COLQ: variants seen among roughly 807,000 people sequenced by gnomAD.
COLQ encodes the protein acetylcholinesterase collagenic tail peptide.
In COLQ, 48 loss-of-function variants were observed where a neutral mutation model predicts 69.0. The observed-to-expected ratio is 0.70, with a 90% CI of 0.55 to 0.88. The LOEUF (loss-of-function observed/expected upper bound fraction) is 0.88. COLQ is among the 40% of genes least tolerant of loss of function. The pLI, the probability that COLQ is intolerant of heterozygous loss-of-function variation, is 0.00. For missense variants in COLQ, 618 were observed against 594.6 expected, an observed-to-expected ratio of 1.04 and a Z score of -0.41; for synonymous variants, 217 against 211.2, an observed-to-expected ratio of 1.03 and a Z score of -0.24.
chr3:15,451,367 A>C lies in COLQ; in HGVS notation c.*277T>G. 1 of 602,608 alleles carries C rather than the reference A, an allele frequency of 1.7e-6. No homozygotes were observed. Among genetic ancestry groups the C allele is most frequent in the East Asian group, 2.9e-5 (1 of 34,188 alleles). The allele number at this position is 602,608 out of a possible 1,614,324, so 37.3% of individuals were successfully genotyped here. On this transcript the variant is annotated 3_prime_UTR_variant, in exon 17 of 17. Transcript: ENST00000383788. The stretch of plus-strand genomic sequence containing the variant: ...AGCAACATTCCAGAAGAGGAAGAGC[A>C]TTGTAGCCGGTTGTTTGGCCAAATG...
intron 3 of COLQ, among the ~76,000 whole-genome samples, chr3:15,484,633 C>T (rs1379446495): frequency 1.3e-5 from 2 of 152,176 alleles, no homozygotes; most frequent in African/African-American, 2.4e-5. Flanking sequence ...TCTTTTTTCT[C>T]TAAACTTCTC....
chr3:15,492,841 C>T (rs995102301), intron 1 of COLQ, among the ~76,000 whole-genome samples: 2 of 152,144 alleles, frequency 1.3e-5, no homozygotes, highest in East Asian at 1.9e-4. Context: ...AGTGATGCTA[C>T]CCATCCCAGC....
At chr3:15,456,425 AG>A (rs1356538626) in intron 14 of COLQ, 34 bp downstream of exon 14, 2 of 1,612,856 alleles carry the variant, frequency 1.2e-6, no homozygotes, top group South Asian at 2.2e-5. Context: ...TCTCCTGGGC[AG>A]GGAGTATGTC....
At chr3:15,472,040 G>C (rs565664379) in intron 10 of COLQ, among the ~76,000 whole-genome samples, 4 of 151,970 alleles carry the variant, frequency 2.6e-5, no homozygotes, top group African/African-American at 9.7e-5. Flanking sequence ...AAGCAGTCAG[G>C]AATTTCTTGA....
chr3:15,474,131 T>C, intron 9 of COLQ, 96 bp from the exon 10 acceptor site: 1 of 1,588,106 alleles, frequency 6.3e-7, no homozygotes, highest in Non-Finnish European at 8.6e-7. Flanking sequence ...GATGGAGGCC[T>C]GTCCATCAGT....
At chr3:15,489,190 G>C (rs1365202576) in intron 2 of COLQ, among the ~76,000 whole-genome samples, 1 of 152,220 alleles carries the variant, frequency 6.6e-6, no homozygotes, top group African/African-American at 2.4e-5. Context: ...AACAGAAGGG[G>C]AAATTCCATG....
rs2062051106 is a variant in COLQ at position 15,458,179 on chromosome 3, GC to G, written c.954+6del. ...AACCACCCCAGACTTCTCCCAGAAA[GC>G]CTTACCACAGGAACTCGCGGGGAAC... On this transcript the variant is annotated splice_donor_region_variant and intron_variant, in intron 13 of 16. Transcript: ENST00000383788. 6.2e-7 allele frequency: 1 copy of G among 1,613,158 alleles called. No homozygotes were observed. Among genetic ancestry groups the G allele is most frequent in the Non-Finnish European group, 8.5e-7 (1 of 1,180,028 alleles).
intron 1 of COLQ, among the ~76,000 whole-genome samples, chr3:15,505,927 G>T (rs1386997695): frequency 6.6e-6 from 1 of 152,076 alleles, no homozygotes; most frequent in Non-Finnish European, 1.5e-5. Flanking sequence ...CCTTTCCCTA[G>T]ATCCATCCCT....
At chr3:15,467,153 C>T (rs1559516488) in intron 11 of COLQ, among the ~76,000 whole-genome samples, 1 of 152,236 alleles carries the variant, frequency 6.6e-6, no homozygotes, top group African/African-American at 2.4e-5. Flanking sequence ...TCCCTATGGG[C>T]TGGAATCTGT....
Position 15,452,591 on chromosome 3 carries a change from C to G in COLQ, c.1299-878G>C, listed in dbSNP as rs985893178. On this transcript the variant is annotated intron_variant, in intron 16 of 16. Transcript: ENST00000383788. ...GCGTGGGGGAGCCCTGGGCTCTACTCGATCCTGTACTCCATATCTGATCGT... is the reference window on the plus strand; with the variant it reads ...GCGTGGGGGAGCCCTGGGCTCTACTGGATCCTGTACTCCATATCTGATCGT... 2.0e-5 allele frequency among the ~76,000 whole-genome samples: 3 copies of G among 151,996 alleles called. 1 individual carries two copies. The highest frequency in any genetic ancestry group is 2.9e-5 in the Non-Finnish European group (2 of 68,014).
intron 3 of COLQ, among the ~76,000 whole-genome samples, chr3:15,483,080 G>A (rs527508017): frequency 1.6e-4 from 24 of 152,088 alleles, no homozygotes; most frequent in South Asian, 6.2e-4. Flanking sequence ...TTTTTATTGC[G>A]TCTATTTGAT....
intron 15 of COLQ, among the ~76,000 whole-genome samples, chr3:15,454,663 T>TG (rs2062000721): frequency 6.7e-6 from 1 of 148,834 alleles, no homozygotes; most frequent in Admixed American, 6.6e-5. Context: ...TTTTTTTTTT[T>TG]TTTTTTTTTT....
At position 15,451,694 on chromosome 3, in the gene COLQ, A is replaced by G. The variant is rs1559510028; in HGVS notation, c.1318T>C (p.Cys440Arg). The change falls in exon 17 of 17, where the codon TGC (cysteine) becomes CGC (arginine). Residue 440 changes from cysteine to arginine, a missense_variant. Coordinates refer to ENST00000383788, the MANE Select transcript of COLQ (RefSeq NM_005677.4). ...GAGTCGATGTAGCAGTACTGGGTGC[A>G]TTGCAGGTCTCCATATGACCTGAGG... ...YLPGSYGDLQ[C>R]TQYCYIDSTP... 6.2e-7 allele frequency: 1 copy of G among 1,614,128 alleles called. No individual in the cohort carries two copies. The highest frequency in any genetic ancestry group is 1.7e-4 in the Middle Eastern group (1 of 6,034).
At chr3:15,506,590 TC>T (rs2062914682) in intron 1 of COLQ, 1 of 152,174 alleles carries the variant, frequency 6.6e-6, no homozygotes, top group African/African-American at 2.4e-5. Flanking sequence ...CATATGATAC[TC>T]CCTCTTGGTT....
chr3:15,473,862 C>T lies in COLQ; in HGVS notation c.636+138G>A. 2.1e-6 allele frequency: 2 copies of T among 964,478 alleles called. No homozygotes were observed. The highest frequency in any genetic ancestry group is 3.3e-6 in the Non-Finnish European group (2 of 614,638). 59.7% of individuals were successfully genotyped at this position (964,478 alleles called of 1,614,324 possible). A position where few individuals can be genotyped will look rare whatever the true frequency, so the allele number is the denominator to read the frequency against. On this transcript the variant is annotated intron_variant, in intron 10 of 16. Coordinates refer to ENST00000383788, the MANE Select transcript of COLQ (RefSeq NM_005677.4). The surrounding 1 kb of genome is among the most constrained non-coding windows in gnomAD (Gnocchi z 4.0). Reference sequence around the variant, plus strand: ...CCCCAGGGTGAAAAGCAACTTGCTTCCCGTCCCAAAATAGAAGTTTCCATG... The same window carrying T: ...CCCCAGGGTGAAAAGCAACTTGCTTTCCGTCCCAAAATAGAAGTTTCCATG...
At position 15,477,116 on chromosome 3, in the gene COLQ, C is replaced by G; in HGVS notation, c.465+10G>C. 6.3e-7 allele frequency: 1 copy of G among 1,597,026 alleles called. No homozygotes were observed. The highest frequency in any genetic ancestry group is 8.5e-7 in the Non-Finnish European group (1 of 1,171,986). On this transcript the variant is annotated intron_variant, in intron 6 of 16. Coordinates refer to ENST00000383788, the MANE Select transcript of COLQ (RefSeq NM_005677.4). ...ACACCGCATGAGCCCTGAGAGCATG[C>G]CACACTTACCCTGGGTCCTTCAGGG...
rs2125137168 is a variant in COLQ, at chr3:15,488,295, C to G, written c.232G>C (p.Asp78His). Reference protein sequence around the residue: ...RGGRSPLLSPDMKNLMLELET... With the variant: ...RGGRSPLLSPHMKNLMLELET... ...AGTTCCAGCATGAGATTCTTCATGT[C>G]TGGGGAGAGAAGCTTCAGTACAAAG... Residue 78 changes from aspartate to histidine, a missense_variant, in exon 3 of 17, where the codon GAC becomes CAC. Physicochemically the swap from Asp to His is moderately conservative, Grantham distance 81. Coordinates refer to ENST00000383788, the MANE Select transcript of COLQ (RefSeq NM_005677.4). The G allele has an allele frequency of 1.2e-6, 2 of 1,613,510 alleles. No homozygotes were observed. The highest frequency in any genetic ancestry group is 1.3e-5 in the African/African-American group (1 of 75,036).
At chr3:15,480,120 C>A (rs2062452340) in intron 3 of COLQ, among the ~76,000 whole-genome samples, 1 of 152,182 alleles carries the variant, frequency 6.6e-6, no homozygotes, top group African/African-American at 2.4e-5. Flanking sequence ...TCCCCAGGCC[C>A]CCACTGCAAC....
chr3:15,456,531 T>C lies in COLQ; in HGVS notation c.1003A>G (p.Asn335Asp), dbSNP rs1389777932. ...QEELERLNTQ[N>D]AIAFRRDQRS... ...TGGTCTCTGCGGAAGGCAATGGCGT[T>C]TTGGGTGTTCAGCCTCTCAAGCTCC... The change falls in exon 14 of 17, where the codon AAC (asparagine) becomes GAC (aspartate). Residue 335 changes from asparagine to aspartate, a missense_variant. Asn to Asp is a conservative substitution (Grantham distance 23). Coordinates refer to ENST00000383788, the MANE Select transcript of COLQ (RefSeq NM_005677.4). The C allele has an allele frequency of 1.9e-6, 3 of 1,614,018 alleles. No homozygotes were observed. Among genetic ancestry groups the C allele is most frequent in the Non-Finnish European group, 2.5e-6 (3 of 1,180,010 alleles).
Sources: gnomAD v4.1 joint callset for allele counts (sites outside exome capture counted in the v4.1 genomes callset) on GRCh38, gnomAD v4.1.1 for gene constraint, Gnocchi (gnomAD v3.1) non-coding constraint, MANE v1.5 for transcripts, NCBI Gene and HGNC (gene_info 2026-07-23, HGNC 2026-07-21) for gene names.